The following FADS1 variants were observed in gnomAD, a reference collection of about 807,000 sequenced individuals.
FADS1 encodes fatty acid desaturase 1, also known as acyl-CoA (8-3)-desaturase.
Under a neutral mutation model 61.6 loss-of-function variants are expected in FADS1, and 17 were observed. The observed-to-expected ratio is 0.28, with a 90% confidence interval of 0.19 to 0.41. The LOEUF is 0.41. Ranked by LOEUF, FADS1 falls within the 10% of genes least tolerant of loss-of-function variation. FADS1 has a pLI of 1.00. For synonymous variants in FADS1, 238 were observed against 258.7 expected (o/e 0.92, Z 0.77); for missense variants, 387 against 650.9 (o/e 0.59, Z 4.41).
chr11:61,807,225 C>T (rs1030159321), intron 5 of FADS1, among the ~76,000 whole-genome samples: 4 of 152,214 alleles, frequency 2.6e-5, no homozygotes, highest in Admixed American at 1.3e-4. Context: ...TGTGCCTCCA[C>T]GCCCAGCTAA....
At position 61,812,669 on chromosome 11, in the gene FADS1, C is replaced by T; in HGVS notation, c.487-1G>A. 1.2e-6 allele frequency: 2 copies of T among 1,613,488 alleles called. No homozygotes were observed. The highest frequency in any genetic ancestry group is 2.2e-5 in the East Asian group (1 of 44,880). ...CCCGGAACTCATCTGTCAGCTCTTT[C>T]TGCAGAAGAGGAAGAGGAGCTGTTA... On this transcript the variant is annotated splice_acceptor_variant, in intron 2 of 11. Transcript: ENST00000350997. LOFTEE classifies it high-confidence loss of function.
At position 61,801,109 on chromosome 11, in the gene FADS1, A is replaced by C. The variant is rs1026077533; in HGVS notation, c.*1302T>G. On this transcript the variant is annotated 3_prime_UTR_variant, in exon 12 of 12. Coordinates refer to ENST00000350997, the MANE Select transcript of FADS1 (RefSeq NM_013402.7). Reference sequence around the variant, plus strand: ...TCTGATTTAGAAGTATGAAGTGATCATATTTAATCTTTCTGCTCCTGCTCA... The same window carrying C: ...TCTGATTTAGAAGTATGAAGTGATCCTATTTAATCTTTCTGCTCCTGCTCA... The C allele has an allele frequency of 6.6e-6, 1 of 152,344 alleles. No homozygotes were observed. The highest frequency in any genetic ancestry group is 1.5e-5 in the Non-Finnish European group (1 of 68,020). 9.4% of individuals were successfully genotyped at this position (152,344 alleles called of 1,614,324 possible).
At chr11:61,804,383 C>T (rs2066879362) in intron 7 of FADS1, 1 of 358,356 alleles carries the variant, frequency 2.8e-6, no homozygotes, top group Non-Finnish European at 5.0e-6. Context: ...CAGAAGTTTC[C>T]TTGAAAGTAG....
intron 1 of FADS1, among the ~76,000 whole-genome samples, chr11:61,813,966 CA>C (rs35779607): frequency 0.48 from 39,104 of 80,742 alleles, 7,802 homozygotes; most frequent in East Asian, 0.67. Flanking sequence ...GACTCCGTCT[CA>C]AAAAAAAAAA....
At chr11:61,804,790 G>T in intron 6 of FADS1, 29 bp from the exon 7 acceptor site, 2 of 1,596,472 alleles carry the variant, frequency 1.3e-6, no homozygotes, top group Non-Finnish European at 1.7e-6. Context: ...CAAAGAGGAG[G>T]CATGAGCACA....
In FADS1 at chr11:61,816,793, G is replaced by A. The variant is rs535388755; in HGVS notation, c.137C>T (p.Pro46Leu). ...GGCGACGCCGCGCGCCGGGCCAGCA[G>A]GGGCTGTCAGGCGCGTGCTCGGGGT... ...PRTPSTRLTA[P>L]AGPARGVARP... The change falls in exon 1 of 12, where the codon CCT becomes CTT. Residue 46 changes from proline to leucine, a missense_variant. Physicochemically the swap from Pro to Leu is moderately conservative, Grantham distance 98. Around this residue, in one of 2 missense-constraint regions of FADS1, gnomAD observed 130 missense variants for 117.7 expected, o/e 1.10. Coordinates refer to ENST00000350997, the MANE Select transcript of FADS1 (RefSeq NM_013402.7). The surrounding 1 kb of genome is among the most constrained non-coding windows in gnomAD (Gnocchi z 7.0). 14 of 1,505,806 alleles carry A rather than the reference G, an allele frequency of 9.3e-6. No homozygotes were observed. The highest frequency in any genetic ancestry group is 1.1e-5 in the Non-Finnish European group (13 of 1,135,460). The allele number at this position is 1,505,806 out of a possible 1,614,324, so 93.3% of individuals were successfully genotyped here.
Position 61,803,969 on chromosome 11 carries a change from A to G in FADS1, c.1054-202T>C. ...ATTGGCACCCCCCAGCCCTTCTTGC[A>G]TGTCCCCTTCAAAAGTACCAAGGCC... On this transcript the variant is annotated intron_variant, in intron 7 of 11. Coordinates refer to ENST00000350997, the MANE Select transcript of FADS1 (RefSeq NM_013402.7). This position sits in a 1 kb window ranked among gnomAD's most constrained non-coding sequence, Gnocchi z 4.3. 1 of 589,978 alleles carries G rather than the reference A, an allele frequency of 1.7e-6. No homozygotes were observed. The highest frequency in any genetic ancestry group is 2.0e-5 in the South Asian group (1 of 49,506). The allele number at this position is 589,978 out of a possible 1,614,324, so 36.5% of individuals were successfully genotyped here.
chr11:61,816,820 C>T lies in FADS1; in HGVS notation c.110G>A (p.Arg37Gln). The T allele has an allele frequency of 1.0e-5, 15 of 1,492,940 alleles. No homozygotes were observed. Among genetic ancestry groups the T allele is most frequent in the Non-Finnish European group, 1.3e-5 (15 of 1,131,920 alleles). 92.5% of individuals were successfully genotyped at this position (1,492,940 alleles called of 1,614,324 possible). ...ARQQIHSWSP[R>Q]TPSTRLTAPA... ...GGCTGTCAGGCGCGTGCTCGGGGTC[C>T]GCGGGCTCCAGGAGTGGATTTGCTG... Residue 37 changes from arginine (R) to glutamine (Q), a missense_variant, in exon 1 of 12, where the codon CGG (arginine) becomes CAG (glutamine). Physicochemically the swap from Arg to Gln is conservative, Grantham distance 43. This residue lies in a region of FADS1 where 130 missense variants were observed against 117.7 expected (regional missense o/e 1.10). Coordinates refer to ENST00000350997, the MANE Select transcript of FADS1 (RefSeq NM_013402.7). This position sits in a 1 kb window ranked among gnomAD's most constrained non-coding sequence, Gnocchi z 7.0.
chr11:61,813,543 T>C, intron 1 of FADS1, 190 bp from the exon 2 acceptor site: 1 of 578,684 alleles, frequency 1.7e-6, no homozygotes. Context: ...GTTTGTAAAA[T>C]GCACCAATCC....
At chr11:61,807,900 C>T (rs2066904734) in intron 5 of FADS1, among the ~76,000 whole-genome samples, 1 of 152,212 alleles carries the variant, frequency 6.6e-6, no homozygotes, top group Non-Finnish European at 1.5e-5. Flanking sequence ...ATGAAACATC[C>T]TTTCTACATT....
rs187393697 is a variant in FADS1 at position 61,803,230 on chromosome 11, A to G, written c.1249-119T>C. 299 of 1,243,216 alleles carry G rather than the reference A, an allele frequency of 2.4e-4. 1 individual carries two copies. The highest frequency in any genetic ancestry group is 5.8e-5 in the Non-Finnish European group (49 of 847,308). The allele number at this position is 1,243,216 out of a possible 1,614,324, so 77.0% of individuals were successfully genotyped here. On this transcript the variant is annotated intron_variant, in intron 9 of 11. Transcript: ENST00000350997. This position sits in a 1 kb window ranked among gnomAD's most constrained non-coding sequence, Gnocchi z 4.3. Reference sequence around the variant, plus strand: ...AGACTGTCTTGGTCACTCCCTTCACATGGTTGCAGAACAAGAGCCTCAGGC... The same window carrying G: ...AGACTGTCTTGGTCACTCCCTTCACGTGGTTGCAGAACAAGAGCCTCAGGC...
rs770421234 is a variant in FADS1, at chr11:61,816,422, A to T, written c.375+133T>A. ...TCCGCAGGACACCCAATCACCGGGC[A>T]ACAGGTATGATCAGGCGCCTCCGGG... On this transcript the variant is annotated intron_variant, in intron 1 of 11. Transcript: ENST00000350997. This position sits in a 1 kb window ranked among gnomAD's most constrained non-coding sequence, Gnocchi z 7.0. 3 of 1,598,650 alleles carry T rather than the reference A, an allele frequency of 1.9e-6. No individual in the cohort carries two copies. Among genetic ancestry groups the T allele is most frequent in the Non-Finnish European group, 2.5e-6 (3 of 1,179,822 alleles).
chr11:61,807,223 C>T (rs2066900281), intron 5 of FADS1, among the ~76,000 whole-genome samples: 1 of 152,244 alleles, frequency 6.6e-6, no homozygotes, highest in Non-Finnish European at 1.5e-5. Flanking sequence ...CATGTGCCTC[C>T]ACGCCCAGCT....
chr11:61,816,148 C>T lies in FADS1; in HGVS notation c.375+407G>A. 1.0e-6 allele frequency: 1 copy of T among 970,486 alleles called. No individual in the cohort carries two copies. Among genetic ancestry groups the T allele is most frequent in the Non-Finnish European group, 1.5e-6 (1 of 665,626 alleles). 60.1% of individuals were successfully genotyped at this position (970,486 alleles called of 1,614,324 possible). ...GCGCTGCCTCTCCTAGCCATCGAGA[C>T]AGGATGTGACTCCCTCCCCTGGCCA... On this transcript the variant is annotated intron_variant, in intron 1 of 11. Coordinates refer to ENST00000350997, the MANE Select transcript of FADS1 (RefSeq NM_013402.7). The surrounding 1 kb of genome is among the most constrained non-coding windows in gnomAD (Gnocchi z 7.0).
Position 61,816,204 on chromosome 11 carries a change from T to A in FADS1, c.375+351A>T. ...CCCCTCCCTCCCCAGGCGGCCTGCA[T>A]CCTTGCTCTCCTCCCTCCTAGCCTA... On this transcript the variant is annotated intron_variant, in intron 1 of 11. Coordinates refer to ENST00000350997, the MANE Select transcript of FADS1 (RefSeq NM_013402.7). The surrounding 1 kb of genome is among the most constrained non-coding windows in gnomAD (Gnocchi z 7.0). 1 of 1,549,958 alleles carries A rather than the reference T, an allele frequency of 6.5e-7. No individual in the cohort carries two copies. The highest frequency in any genetic ancestry group is 8.7e-7 in the Non-Finnish European group (1 of 1,147,778).
In FADS1 at chr11:61,799,642, A is replaced by C. The variant is rs879339918; in HGVS notation, c.*2769T>G. Reference sequence around the variant, plus strand: ...AAATGAAGTCTTTTGGTCAAAATTAACTTTATTTTTCAACTTCATAGGGAT... The same window carrying C: ...AAATGAAGTCTTTTGGTCAAAATTACCTTTATTTTTCAACTTCATAGGGAT... On this transcript the variant is annotated 3_prime_UTR_variant, in exon 12 of 12. Transcript: ENST00000350997. 3 of 152,378 alleles carry C rather than the reference A, an allele frequency of 2.0e-5. No individual in the cohort carries two copies. The highest frequency in any genetic ancestry group is 2.9e-5 in the Non-Finnish European group (2 of 68,040). The allele number at this position is 152,378 out of a possible 1,614,324, so 9.4% of individuals were successfully genotyped here.
chr11:61,810,265 A>C (rs1338030271), intron 5 of FADS1, among the ~76,000 whole-genome samples: 1 of 152,216 alleles, frequency 6.6e-6, no homozygotes, highest in Non-Finnish European at 1.5e-5. Flanking sequence ...GGGAAGAAGT[A>C]CTCAGTGAAT....
In FADS1 at chr11:61,799,774, G is replaced by C. The variant is rs1206927254; in HGVS notation, c.*2637C>G. ...AGTGAAAGTAACAAAGATAAACATA[G>C]AAGTTGGAGTTGTAAAAAAGTGAGT... On this transcript the variant is annotated 3_prime_UTR_variant, in exon 12 of 12. Coordinates refer to ENST00000350997, the MANE Select transcript of FADS1 (RefSeq NM_013402.7). 1 of 152,626 alleles carries C rather than the reference G, an allele frequency of 6.6e-6. No homozygotes were observed. Among genetic ancestry groups the C allele is most frequent in the Non-Finnish European group, 1.5e-5 (1 of 68,032 alleles). 9.5% of individuals were successfully genotyped at this position (152,626 alleles called of 1,614,324 possible). A position where few individuals can be genotyped will look rare whatever the true frequency, so the allele number is the denominator to read the frequency against.
intron 5 of FADS1, among the ~76,000 whole-genome samples, chr11:61,810,438 A>G (rs1411288507): frequency 6.6e-6 from 1 of 152,196 alleles, no homozygotes; most frequent in Non-Finnish European, 1.5e-5. Flanking sequence ...AGGAGGTGCC[A>G]TCAGCACCTT....
Sources: gnomAD v4.1 joint callset for allele counts (sites outside exome capture counted in the v4.1 genomes callset) on GRCh38, gnomAD v4.1.1 for gene constraint, gnomAD v4.1.1 regional missense constraint, Gnocchi (gnomAD v3.1) non-coding constraint, MANE v1.5 for transcripts, NCBI Gene and HGNC (gene_info 2026-07-23, HGNC 2026-07-21) for gene names.